The following LYSMD2 variants were observed in gnomAD, a reference collection of about 807,000 sequenced individuals.
LYSMD2 encodes LysM domain containing 2.
In LYSMD2, 6 loss-of-function variants were observed where a neutral mutation model predicts 17.7. That is an observed-to-expected ratio of 0.34 (90% CI 0.19 to 0.67). The LOEUF is 0.67. Among genes scored for constraint, LYSMD2 ranks in the 30% least tolerant of loss-of-function variants. The pLI is 0.69. For missense variants in LYSMD2, 237 were observed against 286.7 expected, an observed-to-expected ratio of 0.83 and a Z score of 1.25; for synonymous variants, 102 against 129.8, an observed-to-expected ratio of 0.79 and a Z score of 1.45.
intron 1 of LYSMD2, among the ~76,000 whole-genome samples, chr15:51,747,954 G>A (rs1006135054): frequency 3.9e-5 from 6 of 152,132 alleles, no homozygotes; most frequent in Admixed American, 2.0e-4. Flanking sequence ...AACCCCATGT[G>A]GTAAGTATTA....
intron 1 of LYSMD2, among the ~76,000 whole-genome samples, chr15:51,728,387 C>A (rs1283025734): frequency 4.3e-5 from 6 of 139,194 alleles, no homozygotes; most frequent in African/African-American, 1.6e-4. Context: ...ACATTGTACT[C>A]CAGGAGAAAA....
chr15:51,739,100 C>T (rs780988108), upstream of LYSMD2, among the ~76,000 whole-genome samples: 7 of 152,168 alleles, frequency 4.6e-5, no homozygotes, highest in Non-Finnish European at 1.0e-4. Flanking sequence ...TGAGATTTTT[C>T]CTAATTCTTC....
At chr15:51,740,943 A>T (rs1377559720), upstream of LYSMD2, among the ~76,000 whole-genome samples, 1 of 152,252 alleles carries the variant, frequency 6.6e-6, no homozygotes, top group East Asian at 1.9e-4. Context: ...GGAAATGCAA[A>T]ATAATGAAAA....
Position 51,744,379 on chromosome 15 carries a change from T to C in LYSMD2, c.-1+6892A>G, listed in dbSNP as rs145449602. ...ATGTTGAACTATGTCAAAAGTTTTT[T>C]CTGCATCTATTGATATAATCATATG... On this transcript the variant is annotated intron_variant, in intron 1 of 2. Transcript: ENST00000454181. Among the ~76,000 whole-genome samples the C allele has an allele frequency of 4.9e-3, 751 of 152,300 alleles. 2 individuals carry two copies. The highest frequency in any genetic ancestry group is 7.1e-3 in the Non-Finnish European group (482 of 67,988).
chr15:51,733,306 A>G (rs2055587972), intron 1 of LYSMD2, among the ~76,000 whole-genome samples: 1 of 150,788 alleles, frequency 6.6e-6, no homozygotes, highest in Non-Finnish European at 1.5e-5. Context: ...TTTTTTCATT[A>G]TGCTTATCAA....
intron 1 of LYSMD2, among the ~76,000 whole-genome samples, chr15:51,734,840 C>T (rs1468250724): frequency 3.3e-5 from 5 of 152,166 alleles, no homozygotes. Context: ...GCCTTTTTAG[C>T]TTCCACCTTA....
chr15:51,740,146 G>C (rs527590059), upstream of LYSMD2, among the ~76,000 whole-genome samples: 1 of 152,020 alleles, frequency 6.6e-6, no homozygotes, highest in African/African-American at 2.4e-5. Flanking sequence ...TTTAGTAGAG[G>C]TGGGGTTTCA....
upstream of LYSMD2, among the ~76,000 whole-genome samples, chr15:51,739,919 C>T (rs2055634625): frequency 6.6e-6 from 1 of 151,940 alleles, no homozygotes; most frequent in Admixed American, 6.6e-5. Context: ...ACAGTGAGAC[C>T]CTGGGGTTTT....
chr15:51,727,004 T>C (rs555928908), intron 1 of LYSMD2, among the ~76,000 whole-genome samples: 1 of 152,290 alleles, frequency 6.6e-6, no homozygotes, highest in Admixed American at 6.5e-5. Context: ...TGCTATAGCC[T>C]TCCTGGTCTG....
chr15:51,735,173 C>CAA lies in LYSMD2; in HGVS notation c.273+2175_273+2176dup, dbSNP rs11316003. ...TGGGTAACAGAGTGAGACCCTGTCT[C>CAA]AAAAAAAAAAAAAATCTGAAGATAT... On this transcript the variant is annotated intron_variant, in intron 1 of 2. Transcript: ENST00000267838. Among the ~76,000 whole-genome samples the CAA allele has an allele frequency of 8.4e-3, 1,106 of 132,162 alleles. 10 individuals are homozygous for CAA. Among genetic ancestry groups the CAA allele is most frequent in the African/African-American group, 0.028 (1,032 of 36,422 alleles). 86.7% of individuals were successfully genotyped at this position (132,162 alleles called of 152,430 possible).
In LYSMD2 at chr15:51,737,262, T is replaced by TAC; in HGVS notation, c.273+87_273+88insGT. The TAC allele has an allele frequency of 2.2e-5, 3 of 134,032 alleles. No homozygotes were observed. Among genetic ancestry groups the TAC allele is most frequent in the Non-Finnish European group, 4.3e-5 (3 of 70,564 alleles). The allele number at this position is 134,032 out of a possible 1,614,324, so 8.3% of individuals were successfully genotyped here. On this transcript the variant is annotated intron_variant, in intron 1 of 2. Coordinates refer to ENST00000267838, the MANE Select transcript of LYSMD2 (RefSeq NM_153374.3). This position sits in a 1 kb window ranked among gnomAD's most constrained non-coding sequence, Gnocchi z 4.2. ...CCATCCCCCAAACCCCCACCCGCAG[T>TAC]CCCACCCCCACCCCCACCGCACCCC...
intron 1 of LYSMD2, among the ~76,000 whole-genome samples, 155 bp from the exon 2 acceptor site, chr15:51,725,276 G>A (rs1243433638): frequency 6.6e-6 from 1 of 152,190 alleles, no homozygotes; most frequent in Non-Finnish European, 1.5e-5. Context: ...AACCTCCCCA[G>A]ATATCTCTAG....
At chr15:51,736,531 GA>G (rs1489378813) in intron 1 of LYSMD2, among the ~76,000 whole-genome samples, 2 of 152,178 alleles carry the variant, frequency 1.3e-5, no homozygotes, top group African/African-American at 4.8e-5. Flanking sequence ...ATATAGATAA[GA>G]TCCTCTTTCT....
chr15:51,739,023 A>T (rs2055630221), upstream of LYSMD2, among the ~76,000 whole-genome samples: 1 of 151,954 alleles, frequency 6.6e-6, no homozygotes, highest in African/African-American at 2.4e-5. Context: ...CAATGGTAAC[A>T]CTCTTCCAGT....
intron 1 of LYSMD2, among the ~76,000 whole-genome samples, chr15:51,728,594 A>G (rs73405349): frequency 0.059 from 8,959 of 151,776 alleles, 301 homozygotes; most frequent in East Asian, 0.095. Flanking sequence ...TCTCAGCGGG[A>G]CACTGTGGCT....
At chr15:51,728,544 GA>G in intron 1 of LYSMD2, among the ~76,000 whole-genome samples, 1 of 152,036 alleles carries the variant, frequency 6.6e-6, no homozygotes, top group East Asian at 1.9e-4. Context: ...CAGCAAATGA[GA>G]AGGAAGAAGG....
chr15:51,741,077 G>A (rs2055640284), upstream of LYSMD2, among the ~76,000 whole-genome samples: 1 of 152,092 alleles, frequency 6.6e-6, no homozygotes, highest in Admixed American at 6.5e-5. Context: ...CACTAACAAG[G>A]GCCAAGGCAT....
At chr15:51,724,651 T>G (rs2055525440) in intron 2 of LYSMD2, 139 bp downstream of exon 2, 1 of 514,188 alleles carries the variant, frequency 1.9e-6, no homozygotes, top group Admixed American at 4.2e-5. Flanking sequence ...AGAAAGAAAT[T>G]AAGAAAAAAA....
In LYSMD2 at chr15:51,723,499, G is replaced by T; in HGVS notation, c.*108C>A. The T allele has an allele frequency of 1.1e-6, 1 of 889,294 alleles. No homozygotes were observed. The highest frequency in any genetic ancestry group is 1.3e-5 in the South Asian group (1 of 74,228). The allele number at this position is 889,294 out of a possible 1,614,324, so 55.1% of individuals were successfully genotyped here. A position where few individuals can be genotyped will look rare whatever the true frequency, so the allele number is the denominator to read the frequency against. ...TAGAACTACCTAGTTATGATTTTAA[G>T]ATGGACACTATAGGAATCCAGAAGG... On this transcript the variant is annotated 3_prime_UTR_variant, in exon 3 of 3. Transcript: ENST00000267838.
Sources: gnomAD v4.1 joint callset for allele counts (sites outside exome capture counted in the v4.1 genomes callset) on GRCh38, gnomAD v4.1.1 for gene constraint, Gnocchi (gnomAD v3.1) non-coding constraint, MANE v1.5 for transcripts, NCBI Gene and HGNC (gene_info 2026-07-23, HGNC 2026-07-21) for gene names.